The following EMG1 variants were observed in gnomAD, a reference collection of about 807,000 sequenced individuals.
EMG1 encodes ribosomal RNA small subunit methyltransferase NEP1.
Under a neutral mutation model 26.9 loss-of-function variants are expected in EMG1, and 24 were observed. The ratio of observed to expected loss-of-function variants is 0.89; its 90% CI spans 0.65 to 1.26. The LOEUF (loss-of-function observed/expected upper bound fraction) is 1.26. Ranked by LOEUF, EMG1 falls within the 50% of genes most tolerant of loss-of-function variation. The pLI, the probability that EMG1 is intolerant of heterozygous loss-of-function variation, is 0.00. For synonymous variants in EMG1, 140 were observed against 112.6 expected, an observed-to-expected ratio of 1.24 and a Z score of -1.54; for missense variants, 299 against 307.6, an observed-to-expected ratio of 0.97 and a Z score of 0.21.
At chr12:6,975,550 G>C in intron 5 of EMG1, 146 bp from the exon 6 acceptor site, 2 of 952,830 alleles carry the variant, frequency 2.1e-6, no homozygotes, top group South Asian at 2.9e-5. Flanking sequence ...GGAAGTCACA[G>C]TTAGGACCTT....
downstream of EMG1, among the ~76,000 whole-genome samples, chr12:6,989,527 T>A (rs1946567699): frequency 6.6e-6 from 1 of 152,100 alleles, no homozygotes. Flanking sequence ...CTCGATCTCC[T>A]GACCTCGTGA....
chr12:6,976,578 A>C lies in EMG1; in HGVS notation c.*769A>C, dbSNP rs1421735349. The C allele has an allele frequency of 3.9e-5, 6 of 152,918 alleles. No individual in the cohort carries two copies. Among genetic ancestry groups the C allele is most frequent in the African/African-American group, 1.4e-4 (6 of 41,446 alleles). 9.5% of individuals were successfully genotyped at this position (152,918 alleles called of 1,614,324 possible). A position where few individuals can be genotyped will look rare whatever the true frequency, so the allele number is the denominator to read the frequency against. The stretch of plus-strand genomic sequence containing the variant: ...CGTTTCTACTGAAAATACAAAAATT[A>C]GCTGGGCATGGTGGCGTGCCTGTAT... On this transcript the variant is annotated 3_prime_UTR_variant, in exon 6 of 6. Coordinates refer to ENST00000599672, the MANE Select transcript of EMG1 (RefSeq NM_006331.8).
In EMG1 at chr12:6,976,552, C is replaced by T. The variant is rs1476120055; in HGVS notation, c.*743C>T. The T allele has an allele frequency of 2.6e-5, 4 of 153,040 alleles. No homozygotes were observed. Among genetic ancestry groups the T allele is most frequent in the African/African-American group, 9.7e-5 (4 of 41,424 alleles). The allele number at this position is 153,040 out of a possible 1,614,324, so 9.5% of individuals were successfully genotyped here. A position where few individuals can be genotyped will look rare whatever the true frequency, so the allele number is the denominator to read the frequency against. On this transcript the variant is annotated 3_prime_UTR_variant, in exon 6 of 6. Coordinates refer to ENST00000599672, the MANE Select transcript of EMG1 (RefSeq NM_006331.8). ...CCAGCCTGGCCAACGTGGTGAAATC[C>T]CGTTTCTACTGAAAATACAAAAATT...
At chr12:6,983,033 G>A, downstream of EMG1, 1 of 581,488 alleles carries the variant, frequency 1.7e-6, no homozygotes, top group South Asian at 1.6e-5. Flanking sequence ...CCAGACTTGA[G>A]TGCAGTAGCT....
chr12:6,975,542 A>G lies in EMG1; in HGVS notation c.622-154A>G, dbSNP rs116391609. 1.2e-4 allele frequency: 121 copies of G among 970,910 alleles called. No homozygotes were observed. The African/African-American group carries it at 1.9e-3, about 16-fold the overall frequency. 60.1% of individuals were successfully genotyped at this position (970,910 alleles called of 1,614,324 possible). On this transcript the variant is annotated intron_variant, in intron 5 of 5. Coordinates refer to ENST00000599672, the MANE Select transcript of EMG1 (RefSeq NM_006331.8). ...CTTTGAGGGCTGCTGCCATAATTGG[A>G]AGTCACAGTTAGGACCTTCTTCATC...
In EMG1 at chr12:6,971,045, G is replaced by A. The variant is rs782414000; in HGVS notation, c.122G>A (p.Arg41His). The A allele has an allele frequency of 2.5e-6, 4 of 1,611,342 alleles. No homozygotes were observed. Among genetic ancestry groups the A allele is most frequent in the Non-Finnish European group, 3.4e-6 (4 of 1,178,688 alleles). Reference protein sequence around the residue: ...RLGAGNKIGGRRLIVVLEGAS... With the variant: ...RLGAGNKIGGHRLIVVLEGAS... ...GGGGCAGGAAACAAGATCGGAGGCC[G>A]TAGGCTTATTGTGGTGCTGGAAGGG... The change falls in exon 1 of 6, where the codon CGT becomes CAT. Residue 41 changes from arginine (R) to histidine (H), a missense_variant. Physicochemically the swap from Arg to His is conservative, Grantham distance 29 (BLOSUM62 0). Transcript: ENST00000599672.
At chr12:6,973,735 G>T (rs778054396) in intron 1 of EMG1, among the ~76,000 whole-genome samples, 1 of 151,606 alleles carries the variant, frequency 6.6e-6, no homozygotes, top group African/African-American at 2.4e-5. Context: ...GTAGAGATGG[G>T]GTTTCACCGT....
intron 1 of EMG1, among the ~76,000 whole-genome samples, chr12:6,971,926 C>T (rs1049288875): frequency 2.0e-5 from 3 of 152,160 alleles, no homozygotes; most frequent in African/African-American, 4.8e-5. Context: ...GTAATAGAAC[C>T]AGCAGTTCTC....
chr12:6,977,822 C>T lies in EMG1; in HGVS notation c.*2013C>T. ...CCGCCACCTGCCTCTGGGTCCTCACCCTGAGGATTGGATTGGAGTGCTGGT... is the reference window on the plus strand; with the variant it reads ...CCGCCACCTGCCTCTGGGTCCTCACTCTGAGGATTGGATTGGAGTGCTGGT... On this transcript the variant is annotated 3_prime_UTR_variant, in exon 6 of 6. Transcript: ENST00000599672. This position sits in a 1 kb window ranked among gnomAD's most constrained non-coding sequence, Gnocchi z 4.5. The T allele has an allele frequency of 3.8e-6, 6 of 1,567,598 alleles. No individual in the cohort carries two copies. The highest frequency in any genetic ancestry group is 5.2e-6 in the Non-Finnish European group (6 of 1,144,662).
downstream of EMG1, chr12:6,981,480 G>A: frequency 9.7e-7 from 1 of 1,031,560 alleles, no homozygotes; most frequent in Non-Finnish European, 1.5e-6. Flanking sequence ...GATTGCACAG[G>A]CTGGGGAATG....
intron 1 of EMG1, among the ~76,000 whole-genome samples, chr12:6,973,776 T>C (rs1420932169): frequency 6.6e-6 from 1 of 151,456 alleles, no homozygotes; most frequent in African/African-American, 2.4e-5. Flanking sequence ...TCTCCTGACC[T>C]TGTGATCTGC....
At chr12:6,974,798 G>T in intron 3 of EMG1, 105 bp downstream of exon 3, 1 of 1,201,628 alleles carries the variant, frequency 8.3e-7, no homozygotes, top group South Asian at 1.3e-5. Flanking sequence ...GAAAATGGGA[G>T]AACAACATGA....
At chr12:6,981,718 T>A, downstream of EMG1, 1 of 285,272 alleles carries the variant, frequency 3.5e-6, no homozygotes, top group Non-Finnish European at 6.4e-6. Flanking sequence ...CAGAAGTGTA[T>A]GGCGGGGGGC....
At position 6,985,924 on chromosome 12, in the gene EMG1, G is replaced by A. The variant is rs992603417; in HGVS notation, c.*155-1858G>A. ...CAAGTAGCTGGGATTACAGGTGCCC[G>A]CCACCATGCCCAGTGAATTTTTGTA... is the stretch of plus-strand genomic sequence containing the variant. On this transcript the variant is annotated intron_variant and NMD_transcript_variant, in intron 6 of 7. Transcript: ENST00000261406. Among the ~76,000 whole-genome samples the A allele has an allele frequency of 1.9e-4, 29 of 151,688 alleles. No individual in the cohort carries two copies. In the East Asian group the frequency reaches 4.3e-3, roughly 23 times the overall value.
intron 7 of EMG1, among the ~76,000 whole-genome samples, chr12:6,995,123 T>C (rs1946625742): frequency 1.7e-4 from 1 of 5,860 alleles, no homozygotes; most frequent in African/African-American, 3.6e-4. Context: ...TCTCTGGGCT[T>C]TTTTTTTTTT....
downstream of EMG1, chr12:6,982,728 C>T (rs144166001): frequency 1.4e-5 from 22 of 1,613,894 alleles, no homozygotes; most frequent in East Asian, 8.9e-5. Context: ...GCCCATTAGT[C>T]GAAGGATGAG....
At chr12:6,983,691 C>T (rs1555154462), downstream of EMG1, 7 of 587,598 alleles carry the variant, frequency 1.2e-5, no homozygotes, top group East Asian at 3.1e-5. Flanking sequence ...AAGGCAATAA[C>T]GGTATCCCCA....
At chr12:6,989,455 C>A (rs913692908), downstream of EMG1, among the ~76,000 whole-genome samples, 5 of 151,840 alleles carry the variant, frequency 3.3e-5, no homozygotes, top group African/African-American at 4.8e-5. Flanking sequence ...GGACTACAGG[C>A]GCCCGCCATC....
chr12:6,977,843 C>T lies in EMG1; in HGVS notation c.*2034C>T. The T allele has an allele frequency of 1.4e-6, 2 of 1,446,512 alleles. No individual in the cohort carries two copies. The highest frequency in any genetic ancestry group is 1.9e-6 in the Non-Finnish European group (2 of 1,042,114). The allele number at this position is 1,446,512 out of a possible 1,614,324, so 89.6% of individuals were successfully genotyped here. On this transcript the variant is annotated 3_prime_UTR_variant, in exon 6 of 6. Coordinates refer to ENST00000599672, the MANE Select transcript of EMG1 (RefSeq NM_006331.8). This position sits in a 1 kb window ranked among gnomAD's most constrained non-coding sequence, Gnocchi z 4.5. The stretch of plus-strand genomic sequence containing the variant: ...TCACCCTGAGGATTGGATTGGAGTG[C>T]TGGTGGGTTCCCACGTGTAGCCCCC...
Sources: gnomAD v4.1 joint callset for allele counts (sites outside exome capture counted in the v4.1 genomes callset) on GRCh38, gnomAD v4.1.1 for gene constraint, Gnocchi (gnomAD v3.1) non-coding constraint, MANE v1.5 for transcripts, NCBI Gene and HGNC (gene_info 2026-07-23, HGNC 2026-07-21) for gene names.